The following GALNT14 variants were observed in gnomAD, a reference collection of about 807,000 sequenced individuals.
GALNT14 encodes the protein UDP-GalNAc:polypeptide N-acetylgalactosaminyltransferase 14.
Under a neutral mutation model 77.5 loss-of-function variants are expected in GALNT14, and 60 were observed. The ratio of observed to expected loss-of-function variants is 0.77; its 90% CI spans 0.63 to 0.96. GALNT14 has a LOEUF of 0.96. Among genes scored for constraint, GALNT14 ranks in the 40% least tolerant of loss-of-function variants. The probability of loss-of-function intolerance (pLI) is 0.00; values close to 1 mark genes in which losing one functional copy is unlikely to be tolerated. For synonymous variants in GALNT14, 280 were observed against 281.7 expected (o/e 0.99, Z 0.06); for missense variants, 710 against 731.0 (o/e 0.97, Z 0.33).
chr2:30,903,956 C>G, the GALNT14 span, among the ~76,000 whole-genome samples: 1 of 152,192 alleles, frequency 6.6e-6, no homozygotes, highest in Non-Finnish European at 1.5e-5. Flanking sequence ...CACCAGTAAG[C>G]TGGGGATTTA....
In GALNT14 at chr2:31,114,682, G is replaced by A. The variant is rs72856346; in HGVS notation, c.129+23276C>T. 1.3e-3 allele frequency: 878 copies of A among 696,632 alleles called. 3 individuals carry two copies. In the African/African-American group the frequency reaches 0.013, roughly 10 times the overall value. 43.2% of individuals were successfully genotyped at this position (696,632 alleles called of 1,614,324 possible). ...CTTGTGAATAACAATAATCCCAGAAGGGGAAAAAGGAACAAATACAAAAGA... is the reference window on the plus strand; with the variant it reads ...CTTGTGAATAACAATAATCCCAGAAAGGGAAAAAGGAACAAATACAAAAGA... On this transcript the variant is annotated intron_variant, in intron 1 of 14. Coordinates refer to ENST00000349752, the MANE Select transcript of GALNT14 (RefSeq NM_024572.4).
intron 14 of GALNT14, among the ~76,000 whole-genome samples, chr2:30,911,666 G>T (rs149038417): frequency 9.8e-5 from 15 of 152,320 alleles, no homozygotes; most frequent in Middle Eastern, 6.8e-3. Flanking sequence ...AGGAGGAAAT[G>T]GACATCCAGA....
intron 6 of GALNT14, among the ~76,000 whole-genome samples, chr2:30,954,039 T>C (rs1156841456): frequency 1.3e-5 from 2 of 152,050 alleles, no homozygotes; most frequent in Non-Finnish European, 2.9e-5. Context: ...AAGGGAGCAA[T>C]GACTGCCAGT....
intron 1 of GALNT14, among the ~76,000 whole-genome samples, chr2:31,035,602 C>CAT (rs1558512266): frequency 1.3e-3 from 68 of 54,230 alleles, no homozygotes; most frequent in African/African-American, 5.6e-3. Context: ...TATACATATA[C>CAT]ACACACACAC....
intron 11 of GALNT14, 60 bp downstream of exon 11, chr2:30,929,335 G>T (rs186248373): frequency 6.0e-6 from 8 of 1,343,902 alleles, no homozygotes; most frequent in Non-Finnish European, 8.5e-6. Context: ...CATTTGCATC[G>T]GTCCTAGGAG....
chr2:30,904,649 T>A, the GALNT14 span, among the ~76,000 whole-genome samples: 3 of 152,194 alleles, frequency 2.0e-5, no homozygotes, highest in African/African-American at 7.2e-5. Context: ...CGCCCGCCAT[T>A]GCCCAGGCTT....
At chr2:31,086,828 C>T (rs149519953) in intron 1 of GALNT14, among the ~76,000 whole-genome samples, 13 of 152,204 alleles carry the variant, frequency 8.5e-5, no homozygotes, top group African/African-American at 1.4e-4. Context: ...TGCAGATTGG[C>T]GAACAGCAGA....
At chr2:30,901,128 C>T in the GALNT14 span, among the ~76,000 whole-genome samples, 4 of 152,124 alleles carry the variant, frequency 2.6e-5, no homozygotes, top group African/African-American at 7.2e-5. Context: ...ACTAGGACCC[C>T]GGCAGAGGCA....
chr2:30,890,007 G>T, the GALNT14 span, among the ~76,000 whole-genome samples: 1 of 152,108 alleles, frequency 6.6e-6, no homozygotes, highest in Non-Finnish European at 1.5e-5. Flanking sequence ...AAGCTCTGGG[G>T]AATGAAAAAG....
At chr2:30,998,120 A>G (rs1670153453) in intron 1 of GALNT14, among the ~76,000 whole-genome samples, 1 of 152,200 alleles carries the variant, frequency 6.6e-6, no homozygotes, top group South Asian at 2.1e-4. Context: ...ACTAAGACAT[A>G]ATCTTTTCAA....
At chr2:31,081,079 A>T (rs1277913846) in intron 1 of GALNT14, among the ~76,000 whole-genome samples, 2 of 152,212 alleles carry the variant, frequency 1.3e-5, no homozygotes, top group African/African-American at 4.8e-5. Context: ...TCCCTAACAC[A>T]TCCTTATCTA....
At position 31,047,775 on chromosome 2, in the gene GALNT14, A is replaced by C. The variant is rs377303496; in HGVS notation, c.130-54768T>G. ...GTACTGAATCATAAACTCTGCAAGC[A>C]GGTCCTGGAATCTGCATTTTCACTA... is the stretch of plus-strand genomic sequence containing the variant. On this transcript the variant is annotated intron_variant, in intron 1 of 14. Transcript: ENST00000349752. Among the ~76,000 whole-genome samples, 5 of 152,330 alleles carry C rather than the reference A, an allele frequency of 3.3e-5. No homozygotes were observed. The East Asian group carries it at 7.7e-4, about 24-fold the overall frequency.
At chr2:31,099,570 G>T (rs546877258) in intron 1 of GALNT14, among the ~76,000 whole-genome samples, 3 of 151,890 alleles carry the variant, frequency 2.0e-5, no homozygotes, top group Non-Finnish European at 4.4e-5. Flanking sequence ...ATCTTATCTT[G>T]GTGTATACAT....
intron 1 of GALNT14, among the ~76,000 whole-genome samples, chr2:31,122,118 G>A (rs1026668511): frequency 3.9e-5 from 6 of 152,228 alleles, no homozygotes; most frequent in Non-Finnish European, 8.8e-5. Flanking sequence ...AGAGTGGTGG[G>A]TGTCCCAGAA....
intron 13 of GALNT14, among the ~76,000 whole-genome samples, chr2:30,920,626 A>C (rs1664972570): frequency 7.2e-6 from 1 of 138,628 alleles, no homozygotes; most frequent in African/African-American, 2.9e-5. Flanking sequence ...ATGAGAGTGT[A>C]TGCTACACAC....
chr2:31,071,099 G>C (rs1675333982), intron 1 of GALNT14, among the ~76,000 whole-genome samples: 1 of 152,174 alleles, frequency 6.6e-6, no homozygotes, highest in Admixed American at 6.5e-5. Context: ...GGGACTCGGG[G>C]AAAGGCTGGG....
chr2:30,938,359 T>TACACACAC (rs151007812), intron 9 of GALNT14, among the ~76,000 whole-genome samples: 2,120 of 140,776 alleles, frequency 0.015, 26 homozygotes, highest in Middle Eastern at 0.028. Context: ...AGATTCCTTT[T>TACACACAC]ACACACACAC....
At chr2:31,082,525 T>C (rs1324666225) in intron 1 of GALNT14, among the ~76,000 whole-genome samples, 1 of 152,198 alleles carries the variant, frequency 6.6e-6, no homozygotes, top group African/African-American at 2.4e-5. Flanking sequence ...GACCTGAAGC[T>C]GAAAACATGA....
intron 1 of GALNT14, among the ~76,000 whole-genome samples, chr2:31,035,457 C>A (rs1055448129): frequency 2.6e-5 from 4 of 151,574 alleles, no homozygotes; most frequent in Non-Finnish European, 4.4e-5. Context: ...ATCCATTTAT[C>A]CCAAGCTATT....
Sources: allele counts gnomAD v4.1 joint callset (sites outside exome capture counted in the v4.1 genomes callset), GRCh38; gene constraint gnomAD v4.1.1; transcripts MANE v1.5; gene names NCBI Gene and HGNC (gene_info 2026-07-23, HGNC 2026-07-21).